CTNNA1: variants seen among roughly 807,000 people sequenced by gnomAD.
CTNNA1 encodes the protein catenin alpha 1.
CTNNA1 carries 37 observed loss-of-function variants against 98.4 expected under a neutral mutation model. That is an observed-to-expected ratio of 0.38 (90% CI 0.29 to 0.49). The LOEUF (loss-of-function observed/expected upper bound fraction) is 0.49, where lower values mean the gene tolerates loss of function less well. Ranked by LOEUF, CTNNA1 falls within the 20% of genes least tolerant of loss-of-function variation. CTNNA1 has a pLI of 0.95. For missense variants in CTNNA1, 761 were observed against 1,147.2 expected, an observed-to-expected ratio of 0.66 and a Z score of 4.86; for synonymous variants, 404 against 413.2, an observed-to-expected ratio of 0.98 and a Z score of 0.27.
chr5:138,871,395 G>T (rs1750592561), intron 7 of CTNNA1: 1 of 152,184 alleles, frequency 6.6e-6, no homozygotes, highest in Non-Finnish European at 1.5e-5. Flanking sequence ...TGAATGAGTA[G>T]CTTGCATCTA....
At position 138,824,526 on chromosome 5, in the gene CTNNA1, G is replaced by T. The variant is rs372115808; in HGVS notation, c.589-4G>T. On this transcript the variant is annotated splice_polypyrimidine_tract_variant and splice_region_variant and intron_variant, in intron 5 of 17. Transcript: ENST00000302763. ...CCAATTTCTTGTTTTATTTACTCTT[G>T]TAGGAATTGAAAGATGTTGGCCATC... The T allele has an allele frequency of 6.2e-7, 1 of 1,612,494 alleles. No homozygotes were observed. The highest frequency in any genetic ancestry group is 8.5e-7 in the Non-Finnish European group (1 of 1,178,668).
At chr5:138,762,653 T>C (rs920164015) in intron 1 of CTNNA1, among the ~76,000 whole-genome samples, 13 of 152,058 alleles carry the variant, frequency 8.5e-5, no homozygotes, top group Admixed American at 2.0e-4. Context: ...TTTTTTTTTT[T>C]ACCAGCTGTA....
rs1178184499 is a variant in CTNNA1, at chr5:138,873,353, A to G, written c.1063-12859A>G. 5.6e-6 allele frequency: 9 copies of G among 1,613,674 alleles called. No individual in the cohort carries two copies. The highest frequency in any genetic ancestry group is 1.1e-5 in the South Asian group (1 of 91,084). On this transcript the variant is annotated intron_variant, in intron 7 of 17. Coordinates refer to ENST00000302763, the MANE Select transcript of CTNNA1 (RefSeq NM_001903.5). The surrounding 1 kb of genome is among the most constrained non-coding windows in gnomAD (Gnocchi z 6.1). ...AAAGTGTTCCTCGGTAGTAACTGCTATGCCTGCAGTAGTTGGGATTTCTTT... is the reference window on the plus strand; with the variant it reads ...AAAGTGTTCCTCGGTAGTAACTGCTGTGCCTGCAGTAGTTGGGATTTCTTT...
intron 5 of CTNNA1, among the ~76,000 whole-genome samples, chr5:138,823,084 G>A (rs1760198253): frequency 6.6e-6 from 1 of 152,190 alleles, no homozygotes; most frequent in African/African-American, 2.4e-5. Context: ...ATTTTAACAT[G>A]TAAAATAAGA....
chr5:138,862,441 A>G (rs969409111), intron 7 of CTNNA1, among the ~76,000 whole-genome samples: 7 of 152,242 alleles, frequency 4.6e-5, no homozygotes, highest in Non-Finnish European at 8.8e-5. Context: ...CTGAGACATC[A>G]ATGAGATTCT....
chr5:138,914,895 C>G (rs1034951998), intron 10 of CTNNA1, among the ~76,000 whole-genome samples: 1 of 152,112 alleles, frequency 6.6e-6, no homozygotes, highest in Admixed American at 6.6e-5. Flanking sequence ...TGCCTGTAAT[C>G]CCAGCACTTT....
Position 138,887,594 on chromosome 5 carries a change from TAAG to T in CTNNA1, c.1249_1251del (p.Lys417del). 1 of 1,612,048 alleles carries T rather than the reference TAAG, an allele frequency of 6.2e-7. No individual in the cohort carries two copies. Among genetic ancestry groups the T allele is most frequent in the Non-Finnish European group, 8.5e-7 (1 of 1,179,296 alleles). ...CAAAGAATGGAAATGAGAAAGAAGTTAAGGAGTATGCCCAAGTTTTCCGTGAAC... is the reference window on the plus strand; with the variant it reads ...CAAAGAATGGAAATGAGAAAGAAGTTGAGTATGCCCAAGTTTTCCGTGAAC... On this transcript the variant is annotated inframe_deletion, in exon 9 of 18. Transcript: ENST00000302763.
chr5:138,932,217 C>G (rs558633423), intron 16 of CTNNA1: 4 of 1,044,856 alleles, frequency 3.8e-6, no homozygotes, highest in East Asian at 1.6e-4. Context: ...CCGGCTTGTT[C>G]TCACCTCGAG....
intron 7 of CTNNA1, among the ~76,000 whole-genome samples, chr5:138,829,533 G>T (rs180889715): frequency 2.0e-5 from 3 of 152,280 alleles, no homozygotes; most frequent in Admixed American, 2.0e-4. Flanking sequence ...GAGTCTTGAG[G>T]TTGGTCACAT....
intron 5 of CTNNA1, among the ~76,000 whole-genome samples, chr5:138,815,521 A>G (rs1365428146): frequency 1.3e-5 from 2 of 152,038 alleles, no homozygotes; most frequent in Non-Finnish European, 2.9e-5. Context: ...AAGTGATGGC[A>G]TTCTCTACAC....
chr5:138,893,843 C>T lies in CTNNA1; in HGVS notation c.1296+6201C>T, dbSNP rs191275592. Among the ~76,000 whole-genome samples, 448 of 152,158 alleles carry T rather than the reference C, an allele frequency of 2.9e-3. 3 individuals are homozygous for T. Among genetic ancestry groups the T allele is most frequent in the African/African-American group, 0.01 (416 of 41,512 alleles). ...TTCACCATGTTGGTCAGGCTGGTCTCGAACTCCTGACCTTGTGATCTTCCC... is the reference window on the plus strand; with the variant it reads ...TTCACCATGTTGGTCAGGCTGGTCTTGAACTCCTGACCTTGTGATCTTCCC... On this transcript the variant is annotated intron_variant, in intron 9 of 17. Transcript: ENST00000302763.
chr5:138,850,108 T>C (rs1416837417), intron 7 of CTNNA1, among the ~76,000 whole-genome samples: 7 of 152,252 alleles, frequency 4.6e-5, no homozygotes, highest in Admixed American at 1.3e-4. Flanking sequence ...CCTACACTTA[T>C]TTTGTTTTTT....
intron 10 of CTNNA1, 142 bp downstream of exon 10, chr5:138,904,583 A>G: frequency 9.4e-7 from 1 of 1,062,592 alleles, no homozygotes; most frequent in South Asian, 1.9e-5. Flanking sequence ...CACAGAACCC[A>G]CATAGTTTGG....
At chr5:138,792,891 A>AT (rs1224535972) in intron 3 of CTNNA1, among the ~76,000 whole-genome samples, 2 of 152,016 alleles carry the variant, frequency 1.3e-5, no homozygotes, top group African/African-American at 4.8e-5. Context: ...AAATCAGCTG[A>AT]TTTTTTTCTC....
intron 7 of CTNNA1, among the ~76,000 whole-genome samples, chr5:138,834,828 C>G (rs1686808290): frequency 6.6e-6 from 1 of 152,096 alleles, no homozygotes; most frequent in Admixed American, 6.5e-5. Flanking sequence ...TTTTTGAGAG[C>G]AGTAAAGCTT....
intron 1 of CTNNA1, among the ~76,000 whole-genome samples, chr5:138,762,641 GT>G (rs547785205): frequency 4.8e-4 from 69 of 144,006 alleles, no homozygotes; most frequent in Admixed American, 9.0e-4. Flanking sequence ...TTAATTTGTG[GT>G]TTTTTTTTTT....
chr5:138,846,022 G>A (rs1218397359), intron 7 of CTNNA1, among the ~76,000 whole-genome samples: 1 of 152,074 alleles, frequency 6.6e-6, no homozygotes, highest in East Asian at 1.9e-4. Flanking sequence ...CGCCCCCTAG[G>A]TTCAAGCGAT....
intron 3 of CTNNA1, among the ~76,000 whole-genome samples, chr5:138,786,704 T>A (rs116118180): frequency 0.011 from 1,747 of 152,168 alleles, 28 homozygotes; most frequent in African/African-American, 0.04. Flanking sequence ...AGAACTGAAG[T>A]CTCCAACCAT....
At chr5:138,906,733 C>T (rs895768143) in intron 10 of CTNNA1, among the ~76,000 whole-genome samples, 5 of 152,192 alleles carry the variant, frequency 3.3e-5, no homozygotes, top group African/African-American at 4.8e-5. Context: ...TTTAGGCAGA[C>T]AGTGCCCAGA....
Sources: gnomAD v4.1 joint callset for allele counts (sites outside exome capture counted in the v4.1 genomes callset) on GRCh38, gnomAD v4.1.1 for gene constraint, Gnocchi (gnomAD v3.1) non-coding constraint, MANE v1.5 for transcripts, NCBI Gene and HGNC (gene_info 2026-07-23, HGNC 2026-07-21) for gene names.